Variants in IL1RAPL2 observed in about 807,000 individuals in gnomAD.
IL1RAPL2 encodes X-linked interleukin-1 receptor accessory protein-like 2.
In IL1RAPL2, 3 loss-of-function variants were observed where a neutral mutation model predicts 44.1. That is an observed-to-expected ratio of 0.07 (90% CI 0.03 to 0.18). The LOEUF (loss-of-function observed/expected upper bound fraction) is 0.18. Ranked by LOEUF, IL1RAPL2 falls within the 10% of genes least tolerant of loss-of-function variation. The pLI, the probability that IL1RAPL2 is intolerant of heterozygous loss-of-function variation, is 1.00. For missense variants in IL1RAPL2, 391 were observed against 496.4 expected, an observed-to-expected ratio of 0.79 and a Z score of 2.02; for synonymous variants, 181 against 178.8, an observed-to-expected ratio of 1.01 and a Z score of -0.10.
intron 2 of IL1RAPL2, among the ~76,000 whole-genome samples, chrX:104,897,335 A>G (rs1382319782): frequency 8.9e-6 from 1 of 112,245 alleles, no homozygotes; most frequent in Admixed American, 9.4e-5. Context: ...CTACATGGTG[A>G]CATGGTCTTT....
chrX:105,353,035 G>A (rs1168743012), intron 5 of IL1RAPL2, among the ~76,000 whole-genome samples: 20 of 111,227 alleles, frequency 1.8e-4, no homozygotes, highest in East Asian at 5.8e-4. Context: ...GTATTGCCTA[G>A]GTTTTCTTCT....
chrX:104,626,924 T>C (rs2148010121), intron 1 of IL1RAPL2, among the ~76,000 whole-genome samples: 1 of 108,474 alleles, frequency 9.2e-6, no homozygotes, highest in Admixed American at 9.9e-5. Flanking sequence ...GTTCAAGCAG[T>C]TCTCCTGCCT....
At position 104,647,740 on chromosome X, in the gene IL1RAPL2, A is replaced by T. The variant is rs1569289165; in HGVS notation, c.-19-11155A>T. The T allele has an allele frequency of 5.5e-6, 3 of 542,374 alleles. No homozygotes were observed. In the East Asian group the frequency reaches 1.0e-4, roughly 18 times the overall value. The allele number at this position is 542,374 out of a possible 1,213,427, so 44.7% of individuals were successfully genotyped here. A position where few individuals can be genotyped will look rare whatever the true frequency, so the allele number is the denominator to read the frequency against. On this transcript the variant is annotated intron_variant, in intron 1 of 10. Coordinates refer to ENST00000372582, the MANE Select transcript of IL1RAPL2 (RefSeq NM_017416.2). ...AGAGGATGTGCAGTGTGATGTTGAC[A>T]TTCTGTAAGTCTTTGCTACCAGTGA... is the stretch of plus-strand genomic sequence containing the variant.
At chrX:105,529,916 G>T (rs1237415758) in intron 6 of IL1RAPL2, among the ~76,000 whole-genome samples, 2 of 112,063 alleles carry the variant, frequency 1.8e-5, no homozygotes, top group East Asian at 5.6e-4. Context: ...GAATTGTGTG[G>T]ATATACCACA....
At chrX:105,594,361 A>G (rs1330590668) in intron 6 of IL1RAPL2, among the ~76,000 whole-genome samples, 1 of 111,886 alleles carries the variant, frequency 8.9e-6, no homozygotes, top group Non-Finnish European at 1.9e-5. Context: ...CCATTAGCAG[A>G]ATAATTGGCA....
chrX:105,111,435 G>A (rs944252762), intron 2 of IL1RAPL2, among the ~76,000 whole-genome samples: 1 of 111,408 alleles, frequency 9.0e-6, no homozygotes, highest in Admixed American at 9.6e-5. Flanking sequence ...CTGGAAGCTT[G>A]ATGTCTAGAG....
chrX:105,728,704 A>G (rs1016215066), intron 7 of IL1RAPL2, among the ~76,000 whole-genome samples: 3 of 111,172 alleles, frequency 2.7e-5, no homozygotes, highest in African/African-American at 9.8e-5. Flanking sequence ...ATTACAATTA[A>G]TGAAACACTA....
At chrX:105,537,328 A>C (rs1485979897) in intron 6 of IL1RAPL2, among the ~76,000 whole-genome samples, 1 of 111,557 alleles carries the variant, frequency 9.0e-6, no homozygotes, top group Non-Finnish European at 1.9e-5. Flanking sequence ...TTAATGGGGA[A>C]CGTTGACCTA....
At chrX:105,548,510 G>A (rs1313696201) in intron 6 of IL1RAPL2, among the ~76,000 whole-genome samples, 1 of 112,068 alleles carries the variant, frequency 8.9e-6, no homozygotes, top group African/African-American at 3.2e-5. Context: ...TGAACAAAGT[G>A]GAAGGCATTA....
chrX:105,139,149 A>G (rs1044078938), intron 2 of IL1RAPL2, among the ~76,000 whole-genome samples: 1 of 111,870 alleles, frequency 8.9e-6, no homozygotes, highest in Non-Finnish European at 1.9e-5. Flanking sequence ...CACATGTATT[A>G]TCTCATCTAA....
intron 6 of IL1RAPL2, among the ~76,000 whole-genome samples, chrX:105,577,034 G>GGAGTA (rs1421544772): frequency 9.0e-6 from 1 of 111,243 alleles, no homozygotes; most frequent in African/African-American, 3.3e-5. Flanking sequence ...TTGCAACTAG[G>GGAGTA]GAGTAGGACT....
chrX:105,156,604 G>T (rs969866934), intron 2 of IL1RAPL2, among the ~76,000 whole-genome samples: 3 of 112,131 alleles, frequency 2.7e-5, no homozygotes, highest in African/African-American at 9.7e-5. Context: ...GTTTAATTTT[G>T]TAAACTGTTT....
intron 6 of IL1RAPL2, among the ~76,000 whole-genome samples, chrX:105,662,029 G>A (rs1358478313): frequency 8.9e-6 from 1 of 112,313 alleles, no homozygotes; most frequent in Non-Finnish European, 1.9e-5. Context: ...TCATTAGCCA[G>A]TTGTCTAATT....
chrX:104,994,799 C>T (rs2147733552), intron 2 of IL1RAPL2, among the ~76,000 whole-genome samples: 1 of 111,200 alleles, frequency 9.0e-6, no homozygotes, highest in African/African-American at 3.3e-5. Context: ...AAGAAAATTA[C>T]TGTGAGCTCC....
At chrX:105,201,313 C>T (rs782679109) in intron 3 of IL1RAPL2, among the ~76,000 whole-genome samples, 2 of 111,729 alleles carry the variant, frequency 1.8e-5, no homozygotes, top group Admixed American at 9.5e-5. Context: ...ACACTTGAAA[C>T]GAAAAGCATA....
chrX:105,070,729 ATGTGTGTGTGTG>A (rs746238792), intron 2 of IL1RAPL2, among the ~76,000 whole-genome samples: 4 of 104,796 alleles, frequency 3.8e-5, no homozygotes, highest in African/African-American at 1.0e-4. Context: ...ATATATATTT[ATGTGTGTGTGTG>A]TGTGTGTGTG....
intron 5 of IL1RAPL2, among the ~76,000 whole-genome samples, chrX:105,341,600 A>G (rs1192000442): frequency 8.9e-6 from 1 of 112,091 alleles, no homozygotes; most frequent in Admixed American, 9.5e-5. Flanking sequence ...CACCTTTTTT[A>G]TACAACCTTA....
At chrX:104,959,471 T>C (rs1278991398) in intron 2 of IL1RAPL2, among the ~76,000 whole-genome samples, 1 of 111,979 alleles carries the variant, frequency 8.9e-6, no homozygotes, top group Non-Finnish European at 1.9e-5. Context: ...CCTACAGTCA[T>C]TTAGAGTTAT....
At position 105,510,854 on chromosome X, in the gene IL1RAPL2, G is replaced by A. The variant is rs375612960; in HGVS notation, c.772+26467G>A. ...ACAGTCCTGCCAACACTTGATTTTC[G>A]CCCCAGACTTGTGACGTACAGAACT... On this transcript the variant is annotated intron_variant, in intron 6 of 10. Transcript: ENST00000372582. Among the ~76,000 whole-genome samples the A allele has an allele frequency of 5.4e-4, 60 of 111,374 alleles. 1 individual carries two copies. The South Asian group carries it at 0.023, about 42-fold the overall frequency.
Sources: allele counts gnomAD v4.1 joint callset (sites outside exome capture counted in the v4.1 genomes callset), GRCh38; gene constraint gnomAD v4.1.1; transcripts MANE v1.5; gene names NCBI Gene and HGNC (gene_info 2026-07-23, HGNC 2026-07-21).